Variants in SH3GL2 observed in about 807,000 individuals in gnomAD.
The protein encoded by SH3GL2 is SH3 domain containing GRB2 like 2, endophilin A1, also known as endophilin-A1.
In SH3GL2, 24 loss-of-function variants were observed where a neutral mutation model predicts 46.0. That is an observed-to-expected ratio of 0.52 (90% CI 0.38 to 0.73). The LOEUF (loss-of-function observed/expected upper bound fraction) is 0.73. SH3GL2 is among the 30% of genes least tolerant of loss of function. The pLI, the probability that SH3GL2 is intolerant of heterozygous loss-of-function variation, is 0.00. For missense variants in SH3GL2, 413 were observed against 424.2 expected (o/e 0.97, Z 0.23); for synonymous variants, 196 against 147.1 (o/e 1.33, Z -2.40).
intron 1 of SH3GL2, among the ~76,000 whole-genome samples, chr9:17,661,220 A>G (rs557089382): frequency 2.0e-5 from 3 of 152,306 alleles, no homozygotes; most frequent in African/African-American, 7.2e-5. Flanking sequence ...GTTAGTACCA[A>G]TCTAGAAAAC....
intron 1 of SH3GL2, among the ~76,000 whole-genome samples, chr9:17,614,295 GAAAAAAAAAA>G (rs3084628): frequency 6.4e-4 from 45 of 70,298 alleles, no homozygotes; most frequent in Middle Eastern, 0.01. Context: ...CATGGTTTCT[GAAAAAAAAAA>G]AAAAAAAAAA....
At chr9:17,614,969 C>T (rs188257177) in intron 1 of SH3GL2, among the ~76,000 whole-genome samples, 322 of 152,308 alleles carry the variant, frequency 2.1e-3, no homozygotes, top group Non-Finnish European at 3.7e-3. Context: ...CTGTAGCCTC[C>T]AGCAACCACA....
intron 1 of SH3GL2, among the ~76,000 whole-genome samples, chr9:17,738,493 C>T (rs962419782): frequency 3.3e-5 from 3 of 91,924 alleles, no homozygotes; most frequent in Admixed American, 9.5e-5. Context: ...TACACACACA[C>T]ATATACATAC....
intron 1 of SH3GL2, among the ~76,000 whole-genome samples, chr9:17,723,844 C>T (rs922163474): frequency 2.0e-5 from 3 of 152,020 alleles, no homozygotes; most frequent in African/African-American, 7.2e-5. Context: ...TCCATTGTTA[C>T]AGATAAGAAG....
In SH3GL2 at chr9:17,738,641, T is replaced by TATATATATATATAG. The variant is rs376280314; in HGVS notation, c.46-8424_46-8423insTATATATATATAGA. Among the ~76,000 whole-genome samples, 485 of 88,824 alleles carry TATATATATATATAG rather than the reference T, an allele frequency of 5.5e-3. 5 individuals are homozygous for TATATATATATATAG. Among genetic ancestry groups the TATATATATATATAG allele is most frequent in the East Asian group, 0.033 (82 of 2,452 alleles). 58.3% of individuals were successfully genotyped at this position (88,824 alleles called of 152,430 possible). ...TCATGTGATTTTATATATATATATATAGAGAGAGAGAGAGAGAGAGAGAGA... is the reference window on the plus strand; with the variant it reads ...TCATGTGATTTTATATATATATATATATATATATATATAGAGAGAGAGAGAGAGAGAGAGAGAGA... On this transcript the variant is annotated intron_variant, in intron 1 of 8. Coordinates refer to ENST00000380607, the MANE Select transcript of SH3GL2 (RefSeq NM_003026.5).
chr9:17,582,838 C>A (rs548268664), intron 1 of SH3GL2, among the ~76,000 whole-genome samples: 2 of 152,278 alleles, frequency 1.3e-5, no homozygotes, highest in Admixed American at 1.3e-4. Context: ...TGTTGGGAAT[C>A]TTTGGGCTTC....
At chr9:17,631,466 G>A (rs545282480) in intron 1 of SH3GL2, among the ~76,000 whole-genome samples, 1 of 152,248 alleles carries the variant, frequency 6.6e-6, no homozygotes, top group East Asian at 1.9e-4. Flanking sequence ...TTATTGTAAT[G>A]TAAACCCACC....
At chr9:17,722,304 A>G (rs1257463782) in intron 1 of SH3GL2, among the ~76,000 whole-genome samples, 1 of 152,142 alleles carries the variant, frequency 6.6e-6, no homozygotes, top group Non-Finnish European at 1.5e-5. Context: ...ACAAAATGTC[A>G]GTTGTCTGTA....
rs572440933 is a variant in SH3GL2 at position 17,596,854 on chromosome 9, A to G, written c.45+17567A>G. Reference sequence around the variant, plus strand: ...GGCCACTTTTGCCTTTCTCCCAAAGAGGACACGTCTAGCAAGATCCACTGG... The same window carrying G: ...GGCCACTTTTGCCTTTCTCCCAAAGGGGACACGTCTAGCAAGATCCACTGG... On this transcript the variant is annotated intron_variant, in intron 1 of 8. Coordinates refer to ENST00000380607, the MANE Select transcript of SH3GL2 (RefSeq NM_003026.5). Among the ~76,000 whole-genome samples the G allele has an allele frequency of 2.6e-5, 4 of 152,330 alleles. No individual in the cohort carries two copies. In the South Asian group the frequency reaches 6.2e-4, roughly 24 times the overall value.
Position 17,793,479 on chromosome 9 carries a change from G to A in SH3GL2, c.841G>A (p.Gly281Ser), listed in dbSNP as rs1824192584. 5.0e-6 allele frequency: 8 copies of A among 1,613,056 alleles called. No individual in the cohort carries two copies. The highest frequency in any genetic ancestry group is 5.9e-6 in the Non-Finnish European group (7 of 1,179,644). Reference protein sequence around the residue: ...TQPNGGLSHTGTPKPSGVQMD... With the variant: ...TQPNGGLSHTSTPKPSGVQMD... ...GCCCAATGGGGGTCTCTCCCACACAGGCACTCCCAAACCTTCAGGTAAGAG... is the reference window on the plus strand; with the variant it reads ...GCCCAATGGGGGTCTCTCCCACACAAGCACTCCCAAACCTTCAGGTAAGAG... Residue 281 changes from glycine (G) to serine (S), a missense_variant, in exon 8 of 9, where the codon GGC (glycine) becomes AGC (serine). Transcript: ENST00000380607.
chr9:17,697,441 C>T (rs907290922), intron 1 of SH3GL2, among the ~76,000 whole-genome samples: 1 of 152,040 alleles, frequency 6.6e-6, no homozygotes, highest in Non-Finnish European at 1.5e-5. Flanking sequence ...TCAGGCTGAT[C>T]TCCAACTCCT....
intron 1 of SH3GL2, among the ~76,000 whole-genome samples, chr9:17,585,909 C>T (rs1322098026): frequency 6.6e-6 from 1 of 152,108 alleles, no homozygotes. Flanking sequence ...TACAACCCTT[C>T]TCAGTGTTTT....
chr9:17,753,367 T>C (rs952358937), intron 2 of SH3GL2, among the ~76,000 whole-genome samples: 1 of 152,224 alleles, frequency 6.6e-6, no homozygotes, highest in African/African-American at 2.4e-5. Context: ...CTTGTCAGCA[T>C]CTGTTGTTTT....
chr9:17,612,931 G>T (rs560963868), intron 1 of SH3GL2, among the ~76,000 whole-genome samples: 157 of 152,176 alleles, frequency 1.0e-3, no homozygotes, highest in Non-Finnish European at 2.0e-3. Flanking sequence ...TTTCTTGTAT[G>T]ACTGAAATAA....
At chr9:17,789,031 G>T (rs1166563429) in intron 5 of SH3GL2, among the ~76,000 whole-genome samples, 1 of 152,180 alleles carries the variant, frequency 6.6e-6, no homozygotes, top group Non-Finnish European at 1.5e-5. Context: ...GGGCCTGTGG[G>T]GCCTGTGAGT....
chr9:17,607,215 C>T (rs1818776513), intron 1 of SH3GL2, among the ~76,000 whole-genome samples: 1 of 152,164 alleles, frequency 6.6e-6, no homozygotes, highest in Non-Finnish European at 1.5e-5. Flanking sequence ...GTGGAGCCTG[C>T]TGCAAACCTA....
intron 1 of SH3GL2, chr9:17,630,461 C>T (rs1819394902): frequency 6.6e-6 from 1 of 152,218 alleles, no homozygotes; most frequent in Admixed American, 6.5e-5. Flanking sequence ...TACACACAAA[C>T]ACACACCCTA....
chr9:17,609,394 A>G (rs557805451), intron 1 of SH3GL2, among the ~76,000 whole-genome samples: 1 of 152,188 alleles, frequency 6.6e-6, no homozygotes, highest in South Asian at 2.1e-4. Flanking sequence ...CTCTGTACCC[A>G]TAAAACTCTG....
In SH3GL2 at chr9:17,746,431, A is replaced by C. The variant is rs188530160; in HGVS notation, c.46-635A>C. ...TGGTTAGTGACTGTTTGCATTTGTT[A>C]TTTGACAAACATAAAATGTATCATA... On this transcript the variant is annotated intron_variant, in intron 1 of 8. Transcript: ENST00000380607. Among the ~76,000 whole-genome samples, 19 of 152,284 alleles carry C rather than the reference A, an allele frequency of 1.2e-4. 2 individuals carry two copies. The East Asian group carries it at 1.5e-3, about 12-fold the overall frequency.
Sources: allele counts gnomAD v4.1 joint callset (sites outside exome capture counted in the v4.1 genomes callset), GRCh38; gene constraint gnomAD v4.1.1; transcripts MANE v1.5; gene names NCBI Gene and HGNC (gene_info 2026-07-23, HGNC 2026-07-21).